ADAMTSL1: variants seen among roughly 807,000 people sequenced by gnomAD.
ADAMTSL1 encodes the protein ADAMTS-like protein 1.
In ADAMTSL1, 126 loss-of-function variants were observed where a neutral mutation model predicts 201.8. The observed-to-expected ratio is 0.62, with a 90% CI of 0.54 to 0.72. The LOEUF (loss-of-function observed/expected upper bound fraction) is 0.72. Among genes scored for constraint, ADAMTSL1 ranks in the 30% least tolerant of loss-of-function variants. ADAMTSL1 has a pLI of 0.00. For synonymous variants in ADAMTSL1, 1,121 were observed against 903.4 expected (o/e 1.24, Z -4.32); for missense variants, 2,679 against 2,277.8 (o/e 1.18, Z -3.59).
intron 23 of ADAMTSL1, among the ~76,000 whole-genome samples, chr9:18,840,622 T>G (rs1358427275): frequency 6.6e-6 from 1 of 152,228 alleles, no homozygotes; most frequent in Non-Finnish European, 1.5e-5. Context: ...TAAATTACCT[T>G]TGGCAGTATG....
At chr9:18,072,832 G>A (rs980008630) in intron 1 of ADAMTSL1, among the ~76,000 whole-genome samples, 53 of 152,222 alleles carry the variant, frequency 3.5e-4, no homozygotes, top group African/African-American at 1.3e-3. Flanking sequence ...AGGAACTGAT[G>A]TGTAGAATTA....
In ADAMTSL1 at chr9:18,214,907, T is replaced by A. The variant is rs1419623439; in HGVS notation, c.207+50926T>A. ...CTGAATACACTTTCTGTAGACATTA[T>A]CTTCTGCCCACCGTAGATCAGGCAG... On this transcript the variant is annotated intron_variant, in intron 2 of 29. Transcript: ENST00000680146. Among the ~76,000 whole-genome samples, 3 of 152,172 alleles carry A rather than the reference T, an allele frequency of 2.0e-5. No homozygotes were observed. The East Asian group carries it at 5.8e-4, about 29-fold the overall frequency.
At chr9:18,526,749 A>G (rs942642614) in intron 2 of ADAMTSL1, among the ~76,000 whole-genome samples, 1 of 152,190 alleles carries the variant, frequency 6.6e-6, no homozygotes, top group South Asian at 2.1e-4. Context: ...AACCTCCTGC[A>G]GTATAGCTCC....
intron 11 of ADAMTSL1, chr9:18,680,972 GAAAATAGCAC>G (rs1360063124): frequency 6.5e-6 from 1 of 153,132 alleles, no homozygotes; most frequent in Non-Finnish European, 1.5e-5. Flanking sequence ...AAGAGGAAAT[GAAAATAGCAC>G]AAAAATTAAA....
chr9:18,904,076 C>G (rs1264054383), intron 26 of ADAMTSL1, among the ~76,000 whole-genome samples: 1 of 152,096 alleles, frequency 6.6e-6, no homozygotes, highest in Non-Finnish European at 1.5e-5. Context: ...CTCAAGCTTA[C>G]TCTTGCCTCG....
At chr9:18,880,168 A>G (rs1376701692) in intron 23 of ADAMTSL1, among the ~76,000 whole-genome samples, 2 of 152,114 alleles carry the variant, frequency 1.3e-5, no homozygotes, top group Non-Finnish European at 2.9e-5. Flanking sequence ...GAAGTTTTGA[A>G]CCCCTCAAAG....
rs374310258 is a variant in ADAMTSL1 at position 18,556,434 on chromosome 9, C to G, written c.238-17596C>G. 3.9e-5 allele frequency among the ~76,000 whole-genome samples: 6 copies of G among 152,052 alleles called. No homozygotes were observed. The East Asian group carries it at 1.2e-3, about 29-fold the overall frequency. ...ATCATGCAAATCTTACTCTAGATGA[C>G]TTTAATCAGTCTTTCCCCTTCTTTA... On this transcript the variant is annotated intron_variant, in intron 3 of 28. Transcript: ENST00000380548.
At chr9:18,503,829 A>T (rs1454519997) in intron 1 of ADAMTSL1, among the ~76,000 whole-genome samples, 2 of 152,184 alleles carry the variant, frequency 1.3e-5, no homozygotes, top group Non-Finnish European at 2.9e-5. Context: ...TTAAAAGTTC[A>T]AAGGAGTAGT....
chr9:18,452,234 A>T (rs1343573581), intron 2 of ADAMTSL1, among the ~76,000 whole-genome samples: 1 of 152,094 alleles, frequency 6.6e-6, no homozygotes, highest in East Asian at 1.9e-4. Flanking sequence ...TTTATAACAA[A>T]TTTACTCTCA....
In ADAMTSL1 at chr9:18,770,709, A is replaced by T; in HGVS notation, c.2325A>T (p.Ser775=). The T allele has an allele frequency of 6.2e-7, 1 of 1,613,868 alleles. No homozygotes were observed. The highest frequency in any genetic ancestry group is 1.7e-4 in the Middle Eastern group (1 of 6,060). Reference sequence around the variant, plus strand: ...TTCCTGAGACCTTCTGTTCAGCTTCAAAACCTGCCTGCCAGCAAGCATGCA... The same window carrying T: ...TTCCTGAGACCTTCTGTTCAGCTTCTAAACCTGCCTGCCAGCAAGCATGCA... ...LELPETFCSA[S]KPACQQACKK... Residue 775 remains serine, a synonymous_variant, in exon 17 of 29, where the codon TCA becomes TCT. Coordinates refer to ENST00000380548, the MANE Select transcript of ADAMTSL1 (RefSeq NM_001040272.6).
chr9:18,352,045 T>C (rs1172572778), intron 2 of ADAMTSL1, among the ~76,000 whole-genome samples: 3 of 152,126 alleles, frequency 2.0e-5, no homozygotes, highest in African/African-American at 7.2e-5. Context: ...AGCTATGTAG[T>C]GGCTAGGGTT....
intron 1 of ADAMTSL1, among the ~76,000 whole-genome samples, chr9:18,110,562 G>A (rs780177941): frequency 6.6e-6 from 1 of 152,050 alleles, no homozygotes; most frequent in Non-Finnish European, 1.5e-5. Context: ...GGCTTTGAGG[G>A]GTCTTTTTGA....
intron 2 of ADAMTSL1, among the ~76,000 whole-genome samples, chr9:18,165,044 G>GT (rs1197897753): frequency 1.8e-4 from 27 of 150,708 alleles, no homozygotes; most frequent in Admixed American, 1.5e-3. Flanking sequence ...TCATATATTG[G>GT]TTTTTTTTTC....
intron 1 of ADAMTSL1, among the ~76,000 whole-genome samples, chr9:17,944,598 T>C (rs1224173873): frequency 6.8e-6 from 1 of 147,076 alleles, no homozygotes; most frequent in Non-Finnish European, 1.5e-5. Context: ...AACAGCATGG[T>C]ACTGGTACCA....
In ADAMTSL1 at chr9:17,960,247, A is replaced by T. The variant is rs183975168; in HGVS notation, c.87+53325A>T. Among the ~76,000 whole-genome samples the T allele has an allele frequency of 7.3e-4, 111 of 152,278 alleles. 2 individuals are homozygous for T. Among genetic ancestry groups the T allele is most frequent in the African/African-American group, 2.5e-3 (103 of 41,568 alleles). ...GGAGGGCATGACCCTCCCATGGAGGACGCTTGCTACAAACTGTAGATACTA... is the reference window on the plus strand; with the variant it reads ...GGAGGGCATGACCCTCCCATGGAGGTCGCTTGCTACAAACTGTAGATACTA... On this transcript the variant is annotated intron_variant, in intron 1 of 29. Coordinates refer to the ADAMTSL1 transcript ENST00000680146.
intron 20 of ADAMTSL1, among the ~76,000 whole-genome samples, chr9:18,814,462 CTT>C (rs1433811377): frequency 6.6e-6 from 1 of 152,128 alleles, no homozygotes; most frequent in African/African-American, 2.4e-5. Flanking sequence ...TTTGCAAACT[CTT>C]TATCTGGCAA....
intron 2 of ADAMTSL1, among the ~76,000 whole-genome samples, chr9:18,468,090 G>A (rs1821073614): frequency 6.6e-6 from 1 of 152,098 alleles, no homozygotes; most frequent in African/African-American, 2.4e-5. Flanking sequence ...ATTTCAAAAA[G>A]GCTACAAAAG....
chr9:18,473,873 T>TG (rs777822115), upstream of ADAMTSL1: 13 of 304,856 alleles, frequency 4.3e-5, no homozygotes, highest in East Asian at 8.5e-4. Context: ...CTTCATCTTT[T>TG]GCAATTCTGC....
intron 1 of ADAMTSL1, among the ~76,000 whole-genome samples, chr9:18,125,938 C>G (rs1825711163): frequency 1.3e-5 from 2 of 152,186 alleles, no homozygotes. Flanking sequence ...TCCAGTTCTA[C>G]TTCTTATTGA....
Sources: allele counts gnomAD v4.1 joint callset (sites outside exome capture counted in the v4.1 genomes callset), GRCh38; gene constraint gnomAD v4.1.1; transcripts MANE v1.5; gene names NCBI Gene and HGNC (gene_info 2026-07-23, HGNC 2026-07-21).